Variants in TPTE2 observed in about 807,000 individuals in gnomAD.
TPTE2 encodes phosphatidylinositol 3,4,5-trisphosphate 3-phosphatase TPTE2.
A neutral mutation model predicts 78.6 loss-of-function variants in TPTE2; 53 were observed. The ratio of observed to expected loss-of-function variants is 0.67; its 90% confidence interval spans 0.54 to 0.85. TPTE2 has a LOEUF of 0.85. TPTE2 is among the 40% of genes least tolerant of loss of function. The pLI, the probability that TPTE2 is intolerant of heterozygous loss-of-function variation, is 0.00. For missense variants in TPTE2, 461 were observed against 623.0 expected (o/e 0.74, Z 2.77); for synonymous variants, 175 against 206.2 (o/e 0.85, Z 1.30).
the TPTE2 span, among the ~76,000 whole-genome samples, chr13:19,559,218 T>C: frequency 6.6e-6 from 1 of 152,224 alleles, no homozygotes; most frequent in Admixed American, 6.5e-5. Context: ...TTGTCAATCA[T>C]GCATTCCACA....
intron 16 of TPTE2, 141 bp from the exon 20 acceptor site, chr13:19,430,688 T>C: frequency 3.2e-6 from 2 of 627,876 alleles, no homozygotes; most frequent in Non-Finnish European, 5.6e-6. Flanking sequence ...TGGTCTTGCA[T>C]GGATTTTGTC....
chr13:19,431,537 T>A (rs928719047), intron 16 of TPTE2, among the ~76,000 whole-genome samples: 1 of 152,226 alleles, frequency 6.6e-6, no homozygotes, highest in Non-Finnish European at 1.5e-5. Context: ...TTTAATAAAC[T>A]AGTGTATTAA....
chr13:19,485,946 C>T (rs1233811640), intron 3 of TPTE2, among the ~76,000 whole-genome samples: 2 of 152,032 alleles, frequency 1.3e-5, no homozygotes, highest in African/African-American at 4.8e-5. Context: ...ATTGACTTGT[C>T]TATCTGTATT....
chr13:19,540,755 CAT>C (rs35484779), upstream of TPTE2, among the ~76,000 whole-genome samples: 2 of 151,958 alleles, frequency 1.3e-5, no homozygotes, highest in Admixed American at 6.6e-5. Flanking sequence ...TATATTTTTA[CAT>C]GTTTGTTGCT....
rs1875921660 is a variant in TPTE2, at chr13:19,425,036, T to A, written c.1396-19A>T. The A allele has an allele frequency of 7.2e-7, 1 of 1,379,424 alleles. No homozygotes were observed. The highest frequency in any genetic ancestry group is 1.5e-5 in the African/African-American group (1 of 68,156). 85.4% of individuals were successfully genotyped at this position (1,379,424 alleles called of 1,614,324 possible). A position where few individuals can be genotyped will look rare whatever the true frequency, so the allele number is the denominator to read the frequency against. ...GAAGATTCTAAAAAGAAAAAAAATT[T>A]CAAAGTAAAACTGACACCAGGAACT... On this transcript the variant is annotated intron_variant, in intron 18 of 19. Transcript: ENST00000400230.
intron 14 of TPTE2, among the ~76,000 whole-genome samples, chr13:19,437,810 AAAAT>A (rs1311080857): frequency 3.3e-5 from 5 of 152,078 alleles, no homozygotes. Flanking sequence ...ATATTGCATT[AAAAT>A]TATTTATTTT....
intron 1 of TPTE2, among the ~76,000 whole-genome samples, chr13:19,500,852 A>G (rs1456081867): frequency 6.7e-6 from 1 of 148,878 alleles, no homozygotes; most frequent in African/African-American, 2.5e-5. Context: ...GAAAAGAGGA[A>G]GTCAAATTGT....
At chr13:19,432,783 A>C (rs1040462894) in intron 15 of TPTE2, among the ~76,000 whole-genome samples, 1 of 151,652 alleles carries the variant, frequency 6.6e-6, no homozygotes, top group African/African-American at 2.4e-5. Context: ...AATTCAGTGC[A>C]ATGGGGAAGT....
chr13:19,497,709 A>G (rs1377870598), intron 1 of TPTE2, among the ~76,000 whole-genome samples: 90 of 150,932 alleles, frequency 6.0e-4, no homozygotes, highest in South Asian at 1.9e-3. Context: ...AAAAAACAGA[A>G]CAGAAAAACT....
At chr13:19,519,285 T>C (rs1870001483) in intron 1 of TPTE2, among the ~76,000 whole-genome samples, 1 of 151,834 alleles carries the variant, frequency 6.6e-6, no homozygotes, top group Non-Finnish European at 1.5e-5. Context: ...GGAAAACCAG[T>C]GAGACAACTC....
chr13:19,465,913 C>T (rs947894131), intron 7 of TPTE2, among the ~76,000 whole-genome samples: 8 of 152,154 alleles, frequency 5.3e-5, no homozygotes, highest in South Asian at 2.1e-4. Context: ...AATAGTGATA[C>T]GATAGACTCT....
chr13:19,540,098 T>G (rs934839686), upstream of TPTE2, among the ~76,000 whole-genome samples: 2 of 152,076 alleles, frequency 1.3e-5, no homozygotes, highest in Non-Finnish European at 2.9e-5. Flanking sequence ...GAGCTGAGCT[T>G]GTGCCATTGC....
chr13:19,529,770 G>T (rs993192880), intron 1 of TPTE2, among the ~76,000 whole-genome samples: 2 of 152,024 alleles, frequency 1.3e-5, no homozygotes, highest in African/African-American at 4.8e-5. Flanking sequence ...TTCTCCTTAT[G>T]CCCTTTGTGA....
chr13:19,557,383 C>T, the TPTE2 span, among the ~76,000 whole-genome samples: 1 of 152,096 alleles, frequency 6.6e-6, no homozygotes, highest in Non-Finnish European at 1.5e-5. Flanking sequence ...GGAGTCAAGG[C>T]CCTGGTGCCC....
upstream of TPTE2, among the ~76,000 whole-genome samples, chr13:19,537,141 T>C (rs564953477): frequency 6.6e-6 from 1 of 152,026 alleles, no homozygotes; most frequent in African/African-American, 2.4e-5. Context: ...CATTATTTTA[T>C]ATCTTTATTA....
chr13:19,449,212 T>C (rs1340453957), intron 13 of TPTE2, among the ~76,000 whole-genome samples: 2 of 152,124 alleles, frequency 1.3e-5, no homozygotes, highest in Non-Finnish European at 2.9e-5. Flanking sequence ...TTGTTCTTGT[T>C]GCTCAGGCTG....
intron 15 of TPTE2, among the ~76,000 whole-genome samples, chr13:19,433,864 G>C (rs1170476730): frequency 1.3e-5 from 2 of 152,206 alleles, no homozygotes; most frequent in African/African-American, 2.4e-5. Context: ...TAAAGTTAGG[G>C]AAACTATGCA....
At chr13:19,484,710 G>C (rs2137618838) in intron 3 of TPTE2, among the ~76,000 whole-genome samples, 1 of 152,146 alleles carries the variant, frequency 6.6e-6, no homozygotes, top group East Asian at 1.9e-4. Context: ...TTGCTGAATT[G>C]AACCCTTTAT....
upstream of TPTE2, among the ~76,000 whole-genome samples, chr13:19,504,138 T>C (rs1026419448): frequency 5.9e-5 from 9 of 152,132 alleles, no homozygotes; most frequent in African/African-American, 1.9e-4. Flanking sequence ...TTTAAATATA[T>C]ATATGTATCG....
Sources: allele counts gnomAD v4.1 joint callset (sites outside exome capture counted in the v4.1 genomes callset), GRCh38; gene constraint gnomAD v4.1.1; transcripts MANE v1.5; gene names NCBI Gene and HGNC (gene_info 2026-07-23, HGNC 2026-07-21).